Variants in CDK14 observed in about 807,000 individuals in gnomAD.
The protein encoded by CDK14 is cyclin dependent kinase 14.
In CDK14, 34 loss-of-function variants were observed where a neutral mutation model predicts 60.7. That is an observed-to-expected ratio of 0.56 (90% CI 0.43 to 0.75). The LOEUF (loss-of-function observed/expected upper bound fraction) is 0.75, where lower values mean the gene tolerates loss of function less well. CDK14 is among the 30% of genes least tolerant of loss of function. The pLI, the probability that CDK14 is intolerant of heterozygous loss-of-function variation, is 0.00. For missense variants in CDK14, 482 were observed against 564.1 expected (o/e 0.85, Z 1.47); for synonymous variants, 197 against 203.7 (o/e 0.97, Z 0.28).
intron 14 of CDK14, among the ~76,000 whole-genome samples, chr7:91,153,744 G>C (rs1262497738): frequency 6.6e-6 from 1 of 152,120 alleles, no homozygotes; most frequent in East Asian, 1.9e-4. Context: ...ATGGAAGATG[G>C]GATGAGGGAG....
intron 14 of CDK14, among the ~76,000 whole-genome samples, chr7:91,125,935 G>A (rs1364213936): frequency 1.3e-5 from 2 of 152,100 alleles, no homozygotes; most frequent in Non-Finnish European, 2.9e-5. Flanking sequence ...TACTGTAAAT[G>A]GGGCTATTGG....
chr7:91,030,117 TAC>T (rs1796719519), intron 10 of CDK14, among the ~76,000 whole-genome samples: 1 of 152,232 alleles, frequency 6.6e-6, no homozygotes, highest in Non-Finnish European at 1.5e-5. Context: ...TGTAATAGTA[TAC>T]ACATATTAAA....
At chr7:90,618,705 A>G (rs1799703685) in intron 2 of CDK14, among the ~76,000 whole-genome samples, 1 of 152,158 alleles carries the variant, frequency 6.6e-6, no homozygotes, top group Admixed American at 6.6e-5. Context: ...CTAAAAAAAG[A>G]CTTGGCTTTT....
intron 2 of CDK14, among the ~76,000 whole-genome samples, chr7:90,720,481 A>G (rs1430985491): frequency 2.0e-5 from 3 of 152,208 alleles, no homozygotes; most frequent in Non-Finnish European, 2.9e-5. Flanking sequence ...TTAAGAATGT[A>G]TGTAGCTAAG....
chr7:91,147,890 A>C (rs1877062), intron 14 of CDK14, among the ~76,000 whole-genome samples: 72,380 of 151,998 alleles, frequency 0.48, 17,938 homozygotes, highest in African/African-American at 0.61. Context: ...AGCACGTTTA[A>C]CATTAAAGTC....
intron 10 of CDK14, among the ~76,000 whole-genome samples, chr7:91,001,800 C>T (rs1045781564): frequency 2.0e-5 from 3 of 152,202 alleles, no homozygotes; most frequent in African/African-American, 7.2e-5. Flanking sequence ...ACACATAAAC[C>T]TTTCATGTAA....
intron 14 of CDK14, among the ~76,000 whole-genome samples, chr7:91,199,375 C>G (rs1802648388): frequency 6.6e-6 from 1 of 151,798 alleles, no homozygotes; most frequent in Non-Finnish European, 1.5e-5. Context: ...TCTAAGAAGA[C>G]CTAAATCAGT....
chr7:90,601,654 G>C (rs1329865135), intron 1 of CDK14, among the ~76,000 whole-genome samples: 1 of 152,192 alleles, frequency 6.6e-6, no homozygotes, highest in Non-Finnish European at 1.5e-5. Context: ...GAAGGAAATA[G>C]TCCAGTTTGG....
At chr7:91,051,743 A>C (rs142996110) in intron 11 of CDK14, among the ~76,000 whole-genome samples, 1 of 152,196 alleles carries the variant, frequency 6.6e-6, no homozygotes, top group Non-Finnish European at 1.5e-5. Flanking sequence ...AGGCTTTTGC[A>C]TAAGGCTCTC....
intron 2 of CDK14, among the ~76,000 whole-genome samples, chr7:90,659,269 A>G (rs1055031523): frequency 6.6e-6 from 1 of 152,180 alleles, no homozygotes; most frequent in Non-Finnish European, 1.5e-5. Context: ...ACTTTGAGTA[A>G]GTGTTAAAGA....
chr7:90,925,649 G>C (rs1001198217), intron 8 of CDK14, among the ~76,000 whole-genome samples: 11 of 152,138 alleles, frequency 7.2e-5, no homozygotes, highest in Admixed American at 2.6e-4. Flanking sequence ...ACTGCTTGAG[G>C]CTGGGAGTCC....
At chr7:90,757,170 A>G (rs1276542545) in intron 4 of CDK14, among the ~76,000 whole-genome samples, 1 of 149,284 alleles carries the variant, frequency 6.7e-6, no homozygotes, top group Non-Finnish European at 1.5e-5. Flanking sequence ...TTGCAGGTGC[A>G]TCACCCCTCT....
At chr7:90,688,962 T>C (rs1281610723) in intron 2 of CDK14, among the ~76,000 whole-genome samples, 1 of 152,098 alleles carries the variant, frequency 6.6e-6, no homozygotes, top group Admixed American at 6.6e-5. Context: ...GTGTTCAGCA[T>C]TGGGTTGGAG....
intron 4 of CDK14, among the ~76,000 whole-genome samples, chr7:90,758,699 T>C (rs560927900): frequency 3.0e-4 from 45 of 152,342 alleles, no homozygotes; most frequent in African/African-American, 9.1e-4. Context: ...ATGGTACAAA[T>C]ACATAAGTAA....
At chr7:90,889,458 G>A (rs2117312960) in intron 6 of CDK14, among the ~76,000 whole-genome samples, 1 of 152,264 alleles carries the variant, frequency 6.6e-6, no homozygotes, top group South Asian at 2.1e-4. Flanking sequence ...CGTACATTTT[G>A]GATTCAGAAA....
chr7:91,063,566 A>G (rs946877729), intron 11 of CDK14, among the ~76,000 whole-genome samples: 2 of 152,234 alleles, frequency 1.3e-5, no homozygotes, highest in African/African-American at 4.8e-5. Context: ...CAGCTTTGTA[A>G]ATCCAATTAA....
At chr7:90,823,979 A>G (rs1789635530) in intron 5 of CDK14, among the ~76,000 whole-genome samples, 1 of 152,218 alleles carries the variant, frequency 6.6e-6, no homozygotes, top group Non-Finnish European at 1.5e-5. Flanking sequence ...ATAACTCAAA[A>G]TTTTGGGAAA....
chr7:90,771,725 C>T (rs1197183149), intron 4 of CDK14, among the ~76,000 whole-genome samples: 1 of 152,170 alleles, frequency 6.6e-6, no homozygotes. Flanking sequence ...GAAGTGAAGC[C>T]TTGGCCTGGG....
At chr7:90,736,757 C>T (rs900045250) in intron 3 of CDK14, among the ~76,000 whole-genome samples, 2 of 152,076 alleles carry the variant, frequency 1.3e-5, no homozygotes, top group Non-Finnish European at 2.9e-5. Context: ...ATGAGGAAAG[C>T]ATTGTTTTTT....
Sources: allele counts gnomAD v4.1 joint callset (sites outside exome capture counted in the v4.1 genomes callset), GRCh38; gene constraint gnomAD v4.1.1; transcripts MANE v1.5; gene names NCBI Gene and HGNC (gene_info 2026-07-23, HGNC 2026-07-21).